Variants in RGS6 observed in about 807,000 individuals in gnomAD.
RGS6 encodes the protein regulator of G-protein signaling 6.
Under a neutral mutation model 78.5 loss-of-function variants are expected in RGS6, and 30 were observed. The ratio of observed to expected loss-of-function variants is 0.38; its 90% CI spans 0.29 to 0.52. The LOEUF (loss-of-function observed/expected upper bound fraction) is 0.52, where lower values mean the gene tolerates loss of function less well. Ranked by LOEUF, RGS6 falls within the 20% of genes least tolerant of loss-of-function variation. The pLI is 0.85. For missense variants in RGS6, 495 were observed against 609.7 expected (o/e 0.81, Z 1.98); for synonymous variants, 206 against 206.0 (o/e 1.00, Z 0.00).
chr14:72,595,423 CACTG>C, the RGS6 span, among the ~76,000 whole-genome samples: 1 of 152,120 alleles, frequency 6.6e-6, no homozygotes, highest in South Asian at 2.1e-4. Context: ...TCTCCAAAGG[CACTG>C]ACTAAATCAT....
chr14:72,084,493 G>A (rs2094946882), intron 2 of RGS6, among the ~76,000 whole-genome samples: 2 of 152,196 alleles, frequency 1.3e-5, no homozygotes, highest in African/African-American at 4.8e-5. Context: ...TTGTTGGACT[G>A]TTTTCAGCTT....
At position 72,550,382 on chromosome 14, in the gene RGS6, A is replaced by G. The variant is rs1049036812; in HGVS notation, c.1422+10288A>G. ...TACTTAGTGACAGGGCTGGAGAACC[A>G]TTCCACACCATGCCCCTGGCTTTTT... On this transcript the variant is annotated intron_variant, in intron 17 of 17. Coordinates refer to ENST00000553525, the MANE Select transcript of RGS6 (RefSeq NM_001204424.2). 6.4e-6 allele frequency: 8 copies of G among 1,253,122 alleles called. No individual in the cohort carries two copies. The African/African-American group carries it at 1.2e-4, about 19-fold the overall frequency. 77.6% of individuals were successfully genotyped at this position (1,253,122 alleles called of 1,614,324 possible). A position where few individuals can be genotyped will look rare whatever the true frequency, so the allele number is the denominator to read the frequency against.
intron 2 of RGS6, among the ~76,000 whole-genome samples, chr14:72,088,845 C>T (rs1359453532): frequency 1.3e-5 from 2 of 152,218 alleles, no homozygotes; most frequent in East Asian, 1.9e-4. Context: ...TCTTTCTGCT[C>T]CTCAGTCACT....
At chr14:71,881,112 G>A in the RGS6 span, among the ~76,000 whole-genome samples, 1 of 152,172 alleles carries the variant, frequency 6.6e-6, no homozygotes, top group Non-Finnish European at 1.5e-5. Context: ...GACTTGCATG[G>A]GACCTTCAGC....
At chr14:71,962,598 T>C (rs923385570) in intron 1 of RGS6, among the ~76,000 whole-genome samples, 3 of 152,364 alleles carry the variant, frequency 2.0e-5, no homozygotes, top group East Asian at 3.9e-4. Flanking sequence ...TTGGTTAGAA[T>C]GGTAATCAGT....
In RGS6 at chr14:72,269,567, A is replaced by ATTTTTTTTTTTTTTT. The variant is rs56171281; in HGVS notation, c.85-82515_85-82501dup. On this transcript the variant is annotated intron_variant, in intron 2 of 17. Coordinates refer to ENST00000553525, the MANE Select transcript of RGS6 (RefSeq NM_001204424.2). ...GTTTTTACAGTGAAACCTATCTTAAATTTTTTTTTTTTTTTTTTTTTTTTT... is the reference window on the plus strand; with the variant it reads ...GTTTTTACAGTGAAACCTATCTTAAATTTTTTTTTTTTTTTTTTTTTTTTTTTTTTTTTTTTTTTT... Among the ~76,000 whole-genome samples the ATTTTTTTTTTTTTTT allele has an allele frequency of 2.1e-4, 25 of 120,334 alleles. 12 individuals carry two copies. The highest frequency in any genetic ancestry group is 1.9e-4 in the Non-Finnish European group (11 of 59,348). The allele number at this position is 120,334 out of a possible 152,430, so 78.9% of individuals were successfully genotyped here.
intron 2 of RGS6, among the ~76,000 whole-genome samples, chr14:72,249,905 C>A (rs896064367): frequency 5.3e-5 from 8 of 151,946 alleles, no homozygotes; most frequent in Admixed American, 6.6e-5. Flanking sequence ...GAATACTATA[C>A]AGCCATAAAA....
intron 2 of RGS6, among the ~76,000 whole-genome samples, chr14:72,195,635 C>G (rs187284839): frequency 6.6e-6 from 1 of 152,300 alleles, no homozygotes; most frequent in East Asian, 1.9e-4. Flanking sequence ...TCACAGCGCT[C>G]AAAGCAGCAG....
At chr14:72,162,654 G>A (rs775908807) in intron 2 of RGS6, among the ~76,000 whole-genome samples, 3 of 152,078 alleles carry the variant, frequency 2.0e-5, no homozygotes, top group East Asian at 1.9e-4. Context: ...GGTATCTACC[G>A]AGAGGAAAAG....
chr14:72,619,510 A>G, the RGS6 span: 1 of 902,300 alleles, frequency 1.1e-6, no homozygotes, highest in South Asian at 1.7e-5. Context: ...AACGTGCCAG[A>G]GTCTGTGGCT....
At chr14:72,286,852 C>T (rs781001685) in intron 2 of RGS6, among the ~76,000 whole-genome samples, 39 of 148,006 alleles carry the variant, frequency 2.6e-4, no homozygotes, top group Non-Finnish European at 2.8e-4. Flanking sequence ...GGCACAATCT[C>T]GGCTCACTGC....
intron 3 of RGS6, among the ~76,000 whole-genome samples, chr14:72,417,183 CTG>C (rs1278306033): frequency 6.6e-6 from 1 of 152,206 alleles, no homozygotes; most frequent in African/African-American, 2.4e-5. Flanking sequence ...GCCAGCTGAG[CTG>C]TGTGAAAAGC....
chr14:72,088,523 T>C (rs1017299885), intron 2 of RGS6, among the ~76,000 whole-genome samples: 6 of 152,172 alleles, frequency 3.9e-5, no homozygotes, highest in African/African-American at 1.2e-4. Flanking sequence ...ATCTCACTCA[T>C]AGTTATTGAC....
intron 2 of RGS6, among the ~76,000 whole-genome samples, chr14:72,320,243 C>T (rs987078765): frequency 1.3e-5 from 2 of 152,164 alleles, no homozygotes; most frequent in African/African-American, 4.8e-5. Flanking sequence ...ACGTGTCCAA[C>T]ATTTAAGAAC....
chr14:72,567,890 T>C (rs531100448), downstream of RGS6, among the ~76,000 whole-genome samples: 77 of 152,350 alleles, frequency 5.1e-4, no homozygotes, highest in African/African-American at 1.8e-3. Flanking sequence ...CACCTGCAGC[T>C]GGGCCCGTTC....
chr14:71,896,985 C>T, the RGS6 span, among the ~76,000 whole-genome samples: 1 of 152,152 alleles, frequency 6.6e-6, no homozygotes, highest in African/African-American at 2.4e-5. Flanking sequence ...AGCTTGCTAC[C>T]ATCTCTCTAC....
intron 3 of RGS6, among the ~76,000 whole-genome samples, chr14:72,390,519 C>G (rs1166604063): frequency 6.6e-6 from 1 of 152,084 alleles, no homozygotes; most frequent in Non-Finnish European, 1.5e-5. Flanking sequence ...AACATTGAGA[C>G]AGTTATGAAA....
At chr14:72,037,376 C>T (rs113435710) in intron 2 of RGS6, among the ~76,000 whole-genome samples, 34 of 152,270 alleles carry the variant, frequency 2.2e-4, no homozygotes, top group South Asian at 4.1e-4. Flanking sequence ...ACACTCACTG[C>T]GAAGGTCTGC....
At chr14:71,938,757 A>C (rs2089991205) in intron 1 of RGS6, among the ~76,000 whole-genome samples, 1 of 152,194 alleles carries the variant, frequency 6.6e-6, no homozygotes, top group Non-Finnish European at 1.5e-5. Context: ...GAAAGCACCC[A>C]GTTCATGATA....
Sources: allele counts gnomAD v4.1 joint callset (sites outside exome capture counted in the v4.1 genomes callset), GRCh38; gene constraint gnomAD v4.1.1; transcripts MANE v1.5; gene names NCBI Gene and HGNC (gene_info 2026-07-23, HGNC 2026-07-21).